The following LRP1B variants were observed in gnomAD, a reference collection of about 807,000 sequenced individuals.
LRP1B encodes the protein LDL receptor related protein 1B, also known as low-density lipoprotein receptor-related protein 1B.
In LRP1B, 217 loss-of-function variants were observed where a neutral mutation model predicts 556.6. The ratio of observed to expected loss-of-function variants is 0.39; its 90% CI spans 0.35 to 0.44. LRP1B has a LOEUF of 0.44. LRP1B is among the 20% of genes least tolerant of loss of function. The pLI, the probability that LRP1B is intolerant of heterozygous loss-of-function variation, is 1.00. For synonymous variants in LRP1B, 2,047 were observed against 1,865.8 expected (o/e 1.10, Z -2.50); for missense variants, 5,053 against 5,620.8 (o/e 0.90, Z 3.23).
chr2:142,048,759 C>A (rs1477389079), intron 1 of LRP1B, among the ~76,000 whole-genome samples: 3 of 151,954 alleles, frequency 2.0e-5, no homozygotes, highest in Non-Finnish European at 4.4e-5. Flanking sequence ...TGAAAGAGAA[C>A]CTTATGGTCT....
chr2:140,597,126 C>G (rs1057306055), intron 43 of LRP1B, among the ~76,000 whole-genome samples: 4 of 152,040 alleles, frequency 2.6e-5, no homozygotes, highest in Admixed American at 6.6e-5. Context: ...ATGAGGTAAT[C>G]TAGATGCATG....
At chr2:140,418,613 G>A (rs1312804726) in intron 66 of LRP1B, among the ~76,000 whole-genome samples, 1 of 151,766 alleles carries the variant, frequency 6.6e-6, no homozygotes, top group Non-Finnish European at 1.5e-5. Flanking sequence ...CAACCAAAAT[G>A]AGACTACAGA....
At chr2:141,007,587 A>G (rs550984172) in intron 14 of LRP1B, among the ~76,000 whole-genome samples, 30 of 151,800 alleles carry the variant, frequency 2.0e-4, no homozygotes, top group African/African-American at 5.5e-4. Context: ...AATGCTTCAT[A>G]GGATGCACTG....
At chr2:141,957,599 T>C (rs1701293611) in intron 1 of LRP1B, among the ~76,000 whole-genome samples, 1 of 152,026 alleles carries the variant, frequency 6.6e-6, no homozygotes, top group Admixed American at 6.6e-5. Flanking sequence ...GCTCTTTTCC[T>C]ATGATTCCAA....
At chr2:141,431,848 G>A (rs1483878271) in intron 3 of LRP1B, among the ~76,000 whole-genome samples, 1 of 152,084 alleles carries the variant, frequency 6.6e-6, no homozygotes, top group Non-Finnish European at 1.5e-5. Flanking sequence ...TCATCTGTAA[G>A]TTCAAGTAGT....
intron 32 of LRP1B, among the ~76,000 whole-genome samples, chr2:140,779,753 A>AGTGTGT (rs373081625): frequency 0.19 from 24,921 of 133,736 alleles, 2,327 homozygotes; most frequent in East Asian, 0.25. Flanking sequence ...TCTCTGTGAG[A>AGTGTGT]GAGTGTGTGT....
intron 3 of LRP1B, among the ~76,000 whole-genome samples, chr2:141,262,569 T>G (rs2105353817): frequency 6.6e-6 from 1 of 152,306 alleles, no homozygotes; most frequent in Admixed American, 6.5e-5. Flanking sequence ...ATTTGTAGTT[T>G]ATTTTTGTTT....
intron 3 of LRP1B, among the ~76,000 whole-genome samples, chr2:141,264,667 C>T (rs923015122): frequency 8.5e-5 from 13 of 152,170 alleles, no homozygotes; most frequent in African/African-American, 3.1e-4. Context: ...GTTGGCCAGG[C>T]TGGTGTCGAA....
intron 35 of LRP1B, among the ~76,000 whole-genome samples, chr2:140,738,893 G>A (rs1255136778): frequency 2.0e-5 from 3 of 152,164 alleles, no homozygotes; most frequent in Non-Finnish European, 2.9e-5. Flanking sequence ...GCTTTATTTA[G>A]TCTATAATTG....
intron 2 of LRP1B, among the ~76,000 whole-genome samples, chr2:141,532,570 T>C (rs948954946): frequency 6.6e-6 from 1 of 151,828 alleles, no homozygotes; most frequent in Non-Finnish European, 1.5e-5. Context: ...ATATAAACAG[T>C]ATTGTCATCC....
intron 41 of LRP1B, among the ~76,000 whole-genome samples, chr2:140,642,102 G>A (rs942304943): frequency 7.9e-5 from 12 of 152,150 alleles, no homozygotes; most frequent in African/African-American, 2.7e-4. Context: ...GGTGATAAGG[G>A]CTGTGCATCT....
chr2:141,985,509 AT>A (rs201421461), intron 1 of LRP1B, among the ~76,000 whole-genome samples: 2 of 144,756 alleles, frequency 1.4e-5, no homozygotes, highest in Non-Finnish European at 3.1e-5. Context: ...GAGAATTTTT[AT>A]TTTTTTGGGG....
At chr2:140,253,791 A>G (rs1268060452) in intron 86 of LRP1B, among the ~76,000 whole-genome samples, 1 of 152,186 alleles carries the variant, frequency 6.6e-6, no homozygotes, top group Non-Finnish European at 1.5e-5. Flanking sequence ...CATAAAATTA[A>G]TATTAAGTAA....
At chr2:141,261,995 T>A (rs898693896) in intron 3 of LRP1B, among the ~76,000 whole-genome samples, 2 of 152,210 alleles carry the variant, frequency 1.3e-5, no homozygotes, top group African/African-American at 4.8e-5. Flanking sequence ...TTTATAATCC[T>A]ACCACCAATA....
intron 49 of LRP1B, among the ~76,000 whole-genome samples, chr2:140,519,611 G>A (rs961123655): frequency 5.1e-4 from 77 of 152,188 alleles, no homozygotes; most frequent in African/African-American, 1.7e-3. Context: ...ATAGACAAAT[G>A]GGATCTAATA....
At chr2:140,603,580 G>A (rs1417314880) in intron 41 of LRP1B, among the ~76,000 whole-genome samples, 7 of 151,910 alleles carry the variant, frequency 4.6e-5, no homozygotes, top group African/African-American at 1.5e-4. Flanking sequence ...CTTCCTCTTC[G>A]TAACTTTCTC....
chr2:140,867,012 A>G (rs1375454245), intron 27 of LRP1B, among the ~76,000 whole-genome samples: 3 of 152,112 alleles, frequency 2.0e-5, no homozygotes, highest in Non-Finnish European at 2.9e-5. Context: ...ATCACATATA[A>G]TGAGGAAAAA....
chr2:140,749,205 G>A (rs1388837282), intron 35 of LRP1B, among the ~76,000 whole-genome samples: 1 of 152,120 alleles, frequency 6.6e-6, no homozygotes. Flanking sequence ...GGGTGAGCCA[G>A]TGAATGAGTG....
intron 18 of LRP1B, among the ~76,000 whole-genome samples, chr2:140,954,578 A>C (rs1383856337): frequency 6.6e-6 from 1 of 152,024 alleles, no homozygotes; most frequent in Non-Finnish European, 1.5e-5. Context: ...TTTTAAAATT[A>C]TTTCCAACTG....
Sources: allele counts gnomAD v4.1 joint callset (sites outside exome capture counted in the v4.1 genomes callset), GRCh38; gene constraint gnomAD v4.1.1; transcripts MANE v1.5; gene names NCBI Gene and HGNC (gene_info 2026-07-23, HGNC 2026-07-21).